The following INTS6 variants were observed in gnomAD, a reference collection of about 807,000 sequenced individuals.
INTS6 encodes DEAD box protein.
INTS6 carries 16 observed loss-of-function variants against 104.9 expected under a neutral mutation model. The observed-to-expected ratio is 0.15, with a 90% CI of 0.10 to 0.23. The LOEUF is 0.23. INTS6 is among the 10% of genes least tolerant of loss of function. The probability of loss-of-function intolerance (pLI) is 1.00; values close to 1 mark genes in which losing one functional copy is unlikely to be tolerated. For missense variants in INTS6, 584 were observed against 1,062.8 expected (o/e 0.55, Z 6.26); for synonymous variants, 324 against 358.7 (o/e 0.90, Z 1.09).
intron 4 of INTS6, among the ~76,000 whole-genome samples, chr13:51,413,315 C>T (rs149013440): frequency 8.1e-4 from 123 of 152,250 alleles, no homozygotes; most frequent in African/African-American, 2.9e-3. Flanking sequence ...CCTCCATATC[C>T]CATTTAAAAT....
rs562003346 is a variant in INTS6 at position 51,443,067 on chromosome 13, A to G, written c.339+7958T>C. On this transcript the variant is annotated intron_variant, in intron 3 of 17. Coordinates refer to ENST00000311234, the MANE Select transcript of INTS6 (RefSeq NM_012141.3). ...CAGAACTATACACAAAACTGAAGAA[A>G]GCAACTCAGATCCACTGCTTATACA... is the stretch of plus-strand genomic sequence containing the variant. 3.3e-5 allele frequency: 5 copies of G among 152,380 alleles called. No homozygotes were observed. In the South Asian group the frequency reaches 1.0e-3, roughly 32 times the overall value. The allele number at this position is 152,380 out of a possible 1,614,324, so 9.4% of individuals were successfully genotyped here.
chr13:51,452,899 G>A lies in INTS6; in HGVS notation c.-374C>T, dbSNP rs1225203331. On this transcript the variant is annotated 5_prime_UTR_variant, in exon 1 of 18. Coordinates refer to ENST00000311234, the MANE Select transcript of INTS6 (RefSeq NM_012141.3). This position sits in a 1 kb window ranked among gnomAD's most constrained non-coding sequence, Gnocchi z 4.2. ...GCTCCCCACCCCACCCCCGGTACAG[G>A]AGTGGGGACCTGGGAGCTGGCGAAG... 1.8e-6 allele frequency: 2 copies of A among 1,104,912 alleles called. No individual in the cohort carries two copies. The highest frequency in any genetic ancestry group is 2.2e-6 in the Non-Finnish European group (2 of 902,384). 68.4% of individuals were successfully genotyped at this position (1,104,912 alleles called of 1,614,324 possible).
intron 9 of INTS6, among the ~76,000 whole-genome samples, chr13:51,383,101 C>CAA (rs565821299): frequency 1.4e-5 from 2 of 145,240 alleles, no homozygotes; most frequent in African/African-American, 2.5e-5. Context: ...CACCCCCCCG[C>CAA]AAAAAAAAAT....
At position 51,364,363 on chromosome 13, in the gene INTS6, ATGTC is replaced by A. The variant is rs751293946; in HGVS notation, c.*1385_*1388del. 1,113 of 760,034 alleles carry A rather than the reference ATGTC, an allele frequency of 1.5e-3. 2 individuals are homozygous for A. Among genetic ancestry groups the A allele is most frequent in the Non-Finnish European group, 1.7e-3 (846 of 492,772 alleles). 47.1% of individuals were successfully genotyped at this position (760,034 alleles called of 1,614,324 possible). On this transcript the variant is annotated 3_prime_UTR_variant, in exon 18 of 18. Coordinates refer to ENST00000311234, the MANE Select transcript of INTS6 (RefSeq NM_012141.3). Reference sequence around the variant, plus strand: ...TGCTATACCCTTGAAATTTAAAAAAATGTCTGATAAAGTGTAAAAAGCTAAGGGT... The same window carrying A: ...TGCTATACCCTTGAAATTTAAAAAAATGATAAAGTGTAAAAAGCTAAGGGT...
Position 51,451,157 on chromosome 13 carries a change from G to T in INTS6, c.207C>A (p.Asn69Lys). The change falls in exon 3 of 18, where the codon AAC (asparagine) becomes AAA (lysine). Residue 69 changes from asparagine to lysine, a missense_variant. Transcript: ENST00000311234. The part of the protein sequence containing the change: ...PYAIKAGWKE[N>K]HATFMNELKN... ...TCAATTCATTCATAAACGTTGCATG[G>T]TTTTCTTTCCATCCAGCCTGAAAAG... 1.9e-6 allele frequency: 3 copies of T among 1,553,796 alleles called. No homozygotes were observed. The highest frequency in any genetic ancestry group is 2.6e-6 in the Non-Finnish European group (3 of 1,156,978).
intron 4 of INTS6, among the ~76,000 whole-genome samples, chr13:51,403,031 C>T (rs1956468096): frequency 6.6e-6 from 1 of 152,138 alleles, no homozygotes; most frequent in South Asian, 2.1e-4. Context: ...TTGAGATCAC[C>T]TTTTAGCTAG....
chr13:51,399,740 G>A (rs1956402893), intron 4 of INTS6, among the ~76,000 whole-genome samples: 2 of 151,972 alleles, frequency 1.3e-5, no homozygotes, highest in African/African-American at 2.4e-5. Flanking sequence ...GTGCGTGTGT[G>A]TAGTGGGGTG....
At chr13:51,412,187 T>C (rs1253553977) in intron 4 of INTS6, among the ~76,000 whole-genome samples, 1 of 152,174 alleles carries the variant, frequency 6.6e-6, no homozygotes, top group African/African-American at 2.4e-5. Flanking sequence ...GAAAATTTCT[T>C]TGGAGTAACA....
At chr13:51,381,413 C>G (rs1234250732) in intron 10 of INTS6, among the ~76,000 whole-genome samples, 1 of 152,132 alleles carries the variant, frequency 6.6e-6, no homozygotes, top group Non-Finnish European at 1.5e-5. Flanking sequence ...GCCTTAGTTT[C>G]CTCATCTATG....
chr13:51,358,354 G>A (rs1955513131), downstream of INTS6, among the ~76,000 whole-genome samples: 1 of 152,154 alleles, frequency 6.6e-6, no homozygotes, highest in Non-Finnish European at 1.5e-5. Flanking sequence ...AGGATGAAAT[G>A]TTGGGACACA....
chr13:51,340,992 G>A, the INTS6 span: 8 of 1,386,894 alleles, frequency 5.8e-6, no homozygotes, highest in Non-Finnish European at 7.9e-6. Context: ...AACAGAGCTG[G>A]GGGTCCCAGT....
chr13:51,383,519 T>C (rs1427766126), intron 8 of INTS6, 58 bp from the exon 9 acceptor site: 22 of 1,604,944 alleles, frequency 1.4e-5, no homozygotes, highest in South Asian at 5.6e-5. Context: ...ACATAAACCA[T>C]TGATTCAATT....
rs116414937 is a variant in INTS6 at position 51,398,642 on chromosome 13, T to C, written c.430-3159A>G. ...TACCATTTGGAGAACAATTGGATAG[T>C]ATCTGATAAAGCTAAACATGAGCAT... On this transcript the variant is annotated intron_variant, in intron 4 of 17. Transcript: ENST00000311234. Among the ~76,000 whole-genome samples, 169 of 151,978 alleles carry C rather than the reference T, an allele frequency of 1.1e-3. 1 individual carries two copies. The highest frequency in any genetic ancestry group is 4.0e-3 in the African/African-American group (166 of 41,454).
intron 5 of INTS6, among the ~76,000 whole-genome samples, chr13:51,394,841 T>C (rs1455729347): frequency 2.6e-5 from 4 of 152,216 alleles, no homozygotes; most frequent in Non-Finnish European, 5.9e-5. Context: ...ATCTGATGTA[T>C]AAGTGAAACA....
At chr13:51,350,291 A>T (rs763228905), downstream of INTS6, among the ~76,000 whole-genome samples, 19 of 152,166 alleles carry the variant, frequency 1.2e-4, no homozygotes, top group Non-Finnish European at 2.1e-4. Context: ...AATAAATAAA[A>T]AAAGTGCATA....
At chr13:51,451,852 C>T (rs1050849186) in intron 2 of INTS6, 126 bp downstream of exon 2, 22 of 598,350 alleles carry the variant, frequency 3.7e-5, no homozygotes, top group African/African-American at 3.2e-4. Flanking sequence ...GAAGAGACCT[C>T]AGCGGCTGGG....
At chr13:51,375,512 T>G (rs1955904719) in intron 13 of INTS6, among the ~76,000 whole-genome samples, 1 of 151,610 alleles carries the variant, frequency 6.6e-6, no homozygotes, top group African/African-American at 2.4e-5. Flanking sequence ...AACTCTTTTA[T>G]ATAAAATTAT....
chr13:51,426,900 T>C (rs1200581813), intron 4 of INTS6, among the ~76,000 whole-genome samples: 2 of 152,162 alleles, frequency 1.3e-5, no homozygotes, highest in Non-Finnish European at 2.9e-5. Context: ...GGAATGTCTT[T>C]GGAATTGATA....
chr13:51,339,581 G>C, the INTS6 span: 2 of 152,336 alleles, frequency 1.3e-5, no homozygotes, highest in African/African-American at 4.8e-5. Flanking sequence ...CCGAGTGGTA[G>C]AGACATCGCC....
Sources: allele counts gnomAD v4.1 joint callset (sites outside exome capture counted in the v4.1 genomes callset), GRCh38; gene constraint gnomAD v4.1.1; non-coding constraint Gnocchi (gnomAD v3.1); transcripts MANE v1.5; gene names NCBI Gene and HGNC (gene_info 2026-07-23, HGNC 2026-07-21).